CEP192: variants seen among roughly 807,000 people sequenced by gnomAD.
The protein encoded by CEP192 is centrosomal protein of 192 kDa.
CEP192 carries 151 observed loss-of-function variants against 271.8 expected under a neutral mutation model. That is an observed-to-expected ratio of 0.56 (90% CI 0.49 to 0.64). The LOEUF (loss-of-function observed/expected upper bound fraction) is 0.64. Among genes scored for constraint, CEP192 ranks in the 30% least tolerant of loss-of-function variants. CEP192 has a pLI of 0.00. For synonymous variants in CEP192, 995 were observed against 1,076.5 expected (o/e 0.92, Z 1.48); for missense variants, 2,910 against 3,020.5 (o/e 0.96, Z 0.86).
intron 30 of CEP192, among the ~76,000 whole-genome samples, chr18:13,080,560 A>T (rs936025133): frequency 1.3e-5 from 2 of 152,186 alleles, no homozygotes; most frequent in Non-Finnish European, 1.5e-5. Flanking sequence ...GGTTTTCTAG[A>T]TATACAATCA....
chr18:13,078,602 C>T (rs1450602367), intron 30 of CEP192, among the ~76,000 whole-genome samples: 1 of 152,048 alleles, frequency 6.6e-6, no homozygotes, highest in Non-Finnish European at 1.5e-5. Flanking sequence ...CTGTTGTTTC[C>T]TGACTTTTTA....
At chr18:13,044,576 C>G (rs2036378910) in intron 15 of CEP192, among the ~76,000 whole-genome samples, 1 of 152,094 alleles carries the variant, frequency 6.6e-6, no homozygotes, top group Non-Finnish European at 1.5e-5. Context: ...CATGAGCTTG[C>G]TCTGTTTTGT....
In CEP192 at chr18:13,030,603, C is replaced by T; in HGVS notation, c.1529C>T (p.Ser510Phe). Residue 510 changes from serine (S) to phenylalanine (F), a missense_variant, in exon 11 of 45, where the codon TCT (serine) becomes TTT (phenylalanine). By Grantham distance (155) the Ser-to-Phe change is radical (BLOSUM62 -2). Coordinates refer to ENST00000506447, the MANE Select transcript of CEP192 (RefSeq NM_032142.4). The stretch of plus-strand genomic sequence containing the variant: ...GATGAGATGAATGAAGACTTCAGAT[C>T]TGGTTGTAAGTATATGGATAAACAT... Reference protein sequence around the residue: ...LSDEMNEDFRSGSEAFDLIAQ... With the variant: ...LSDEMNEDFRFGSEAFDLIAQ... 2 of 1,605,044 alleles carry T rather than the reference C, an allele frequency of 1.2e-6. No individual in the cohort carries two copies. Among genetic ancestry groups the T allele is most frequent in the Non-Finnish European group, 1.7e-6 (2 of 1,173,120 alleles).
chr18:13,088,397 ATGAT>A (rs2038992864), intron 32 of CEP192, among the ~76,000 whole-genome samples: 1 of 152,214 alleles, frequency 6.6e-6, no homozygotes, highest in African/African-American at 2.4e-5. Flanking sequence ...GCAGTGAGCT[ATGAT>A]TGCACTCCAG....
chr18:13,017,840 C>T (rs2034747039), intron 7 of CEP192, among the ~76,000 whole-genome samples: 1 of 152,152 alleles, frequency 6.6e-6, no homozygotes, highest in Non-Finnish European at 1.5e-5. Flanking sequence ...TATTTTTTAT[C>T]TACAATTTAA....
intron 20 of CEP192, chr18:13,058,728 C>T (rs1316649435): frequency 4.9e-5 from 10 of 202,430 alleles, no homozygotes; most frequent in South Asian, 9.1e-5. Context: ...ACTCTTCTTC[C>T]CCCCAGCCCC....
chr18:13,108,900 A>G (rs1404763714), intron 40 of CEP192, among the ~76,000 whole-genome samples: 2 of 152,154 alleles, frequency 1.3e-5, no homozygotes, highest in Non-Finnish European at 2.9e-5. Context: ...AAAAGTCAAA[A>G]AACAATAGAT....
At chr18:13,097,768 T>G (rs2039476601) in intron 36 of CEP192, among the ~76,000 whole-genome samples, 1 of 150,564 alleles carries the variant, frequency 6.6e-6, no homozygotes, top group Non-Finnish European at 1.5e-5. Context: ...GGTCTCTGGT[T>G]TTCCTAGGCA....
chr18:13,099,485 A>G lies in CEP192; in HGVS notation c.6567A>G (p.Leu2189=), dbSNP rs1213195794. 5 of 1,556,912 alleles carry G rather than the reference A, an allele frequency of 3.2e-6. No individual in the cohort carries two copies. The highest frequency in any genetic ancestry group is 4.4e-6 in the Non-Finnish European group (5 of 1,146,482). The change falls in exon 37 of 45, where the codon CTA becomes CTG. Residue 2189 remains leucine (L), a synonymous_variant. Transcript: ENST00000506447. ...TTAATTTTTTTTAAAGGAGTAAACTACAAATTCTTGTGAGTCCTAATTCCT... is the reference window on the plus strand; with the variant it reads ...TTAATTTTTTTTAAAGGAGTAAACTGCAAATTCTTGTGAGTCCTAATTCCT... ...QHGCVAPESK[L]QILVSPNSSL...
intron 38 of CEP192, among the ~76,000 whole-genome samples, chr18:13,102,473 A>T (rs374965749): frequency 6.6e-6 from 1 of 151,210 alleles, no homozygotes; most frequent in South Asian, 2.1e-4. Flanking sequence ...CCTTGTGGCT[A>T]CCCCTGTCTC....
chr18:13,103,234 A>G (rs900895400), intron 38 of CEP192, among the ~76,000 whole-genome samples: 3 of 152,180 alleles, frequency 2.0e-5, no homozygotes, highest in African/African-American at 7.2e-5. Context: ...TCTTTTTTAC[A>G]GAGCAGTCTG....
At chr18:13,075,987 G>A (rs1425229958) in intron 30 of CEP192, among the ~76,000 whole-genome samples, 1 of 152,164 alleles carries the variant, frequency 6.6e-6, no homozygotes, top group African/African-American at 2.4e-5. Flanking sequence ...ACCCCCAGGG[G>A]ACATTGGCAG....
At position 13,102,005 on chromosome 18, in the gene CEP192, C is replaced by T. The variant is rs116393813; in HGVS notation, c.6871+1493C>T. 9.9e-3 allele frequency among the ~76,000 whole-genome samples: 1,505 copies of T among 152,266 alleles called. 21 individuals carry two copies. The highest frequency in any genetic ancestry group is 0.035 in the African/African-American group (1,439 of 41,544). On this transcript the variant is annotated intron_variant, in intron 38 of 44. Transcript: ENST00000506447. ...CTGGCTTGTCCCAGGAGCCTAGCTC[C>T]TCCTGCCTCCACCCTTGCAGTGAAA...
intron 32 of CEP192, among the ~76,000 whole-genome samples, chr18:13,087,921 T>C (rs1218215418): frequency 6.6e-6 from 1 of 152,200 alleles, no homozygotes; most frequent in African/African-American, 2.4e-5. Flanking sequence ...TGCATCATAC[T>C]TCATAATAGG....
intron 3 of CEP192, among the ~76,000 whole-genome samples, chr18:13,005,706 A>T (rs1232930740): frequency 6.6e-6 from 1 of 152,212 alleles, no homozygotes; most frequent in Non-Finnish European, 1.5e-5. Context: ...TTCCTTGGAC[A>T]CTATACTGGA....
At chr18:13,105,831 A>G (rs890900111) in intron 40 of CEP192, among the ~76,000 whole-genome samples, 1 of 152,206 alleles carries the variant, frequency 6.6e-6, no homozygotes, top group Non-Finnish European at 1.5e-5. Context: ...GGATAAGCAC[A>G]TTGCTCAAAT....
chr18:13,051,454 G>A (rs1309850653), intron 17 of CEP192, among the ~76,000 whole-genome samples: 2 of 152,162 alleles, frequency 1.3e-5, no homozygotes, highest in Non-Finnish European at 2.9e-5. Context: ...AAGAAGGCCT[G>A]AAGCAATTTG....
chr18:13,095,623 C>T lies in CEP192; in HGVS notation c.6375C>T (p.Ala2125=). 1.9e-6 allele frequency: 3 copies of T among 1,614,216 alleles called. No homozygotes were observed. The highest frequency in any genetic ancestry group is 4.5e-5 in the East Asian group (2 of 44,874). ...CTCGCCCGCCTCTGGATCAGCTGGC[C>T]TCCGAAGAGCCGTGGACTGTCCTAC... ...RAARPPLDQL[A]SEEPWTVLPE... The change falls in exon 35 of 45, where the codon GCC becomes GCT. Residue 2125 remains alanine, a synonymous_variant. Transcript: ENST00000506447.
At chr18:13,016,066 C>T (rs1267568960) in intron 6 of CEP192, among the ~76,000 whole-genome samples, 4 of 152,076 alleles carry the variant, frequency 2.6e-5, no homozygotes, top group Admixed American at 2.0e-4. Flanking sequence ...AATATTTGGC[C>T]TCTGCTCTCG....
Sources: allele counts gnomAD v4.1 joint callset (sites outside exome capture counted in the v4.1 genomes callset), GRCh38; gene constraint gnomAD v4.1.1; transcripts MANE v1.5; gene names NCBI Gene and HGNC (gene_info 2026-07-23, HGNC 2026-07-21).